PTPRD: variants seen among roughly 807,000 people sequenced by gnomAD.
The protein encoded by PTPRD is protein tyrosine phosphatase receptor type D.
PTPRD carries 34 observed loss-of-function variants against 214.5 expected under a neutral mutation model. That is an observed-to-expected ratio of 0.16 (90% CI 0.12 to 0.21). PTPRD has a LOEUF of 0.21. Ranked by LOEUF, PTPRD falls within the 10% of genes least tolerant of loss-of-function variation. The pLI, the probability that PTPRD is intolerant of heterozygous loss-of-function variation, is 1.00. For synonymous variants in PTPRD, 1,128 were observed against 845.7 expected (o/e 1.33, Z -5.79); for missense variants, 2,545 against 2,398.7 (o/e 1.06, Z -1.27).
intron 10 of PTPRD, among the ~76,000 whole-genome samples, chr9:9,041,494 C>T (rs1486775464): frequency 1.3e-5 from 2 of 152,108 alleles, no homozygotes; most frequent in Admixed American, 6.6e-5. Flanking sequence ...GGTTAGTTTG[C>T]TAAGGATAAT....
At chr9:9,991,371 C>CT (rs1260579367) in intron 4 of PTPRD, among the ~76,000 whole-genome samples, 1 of 143,730 alleles carries the variant, frequency 7.0e-6, no homozygotes, top group East Asian at 2.0e-4. Flanking sequence ...TTTTTTTTTT[C>CT]TTTTTTTGAA....
chr9:8,992,002 T>G (rs1202762726), intron 11 of PTPRD, among the ~76,000 whole-genome samples: 2 of 152,172 alleles, frequency 1.3e-5, no homozygotes, highest in African/African-American at 4.8e-5. Flanking sequence ...AAGAATGTTC[T>G]GGAAAGAGTT....
intron 4 of PTPRD, among the ~76,000 whole-genome samples, chr9:10,029,378 C>T (rs117708985): frequency 0.04 from 6,045 of 152,226 alleles, 169 homozygotes; most frequent in Middle Eastern, 0.13. Context: ...CCACTGACAC[C>T]TTATACTGTG....
At chr9:9,996,669 G>A (rs1444407599) in intron 4 of PTPRD, among the ~76,000 whole-genome samples, 1 of 152,154 alleles carries the variant, frequency 6.6e-6, no homozygotes, top group East Asian at 1.9e-4. Flanking sequence ...AAGGTTGGGA[G>A]ACCTATTAAT....
chr9:8,846,015 C>A (rs890246822), intron 11 of PTPRD, among the ~76,000 whole-genome samples: 1 of 152,098 alleles, frequency 6.6e-6, no homozygotes, highest in African/African-American at 2.4e-5. Context: ...CAATAATGGC[C>A]ATGTGTCAGA....
chr9:9,275,199 TTA>T (rs1188297359), intron 9 of PTPRD, among the ~76,000 whole-genome samples: 1,011 of 10,376 alleles, frequency 0.097, 19 homozygotes, highest in Non-Finnish European at 0.15. Context: ...TATATATATA[TTA>T]TATATATATA....
At chr9:8,331,334 A>G (rs190139970) in intron 44 of PTPRD, among the ~76,000 whole-genome samples, 4 of 152,200 alleles carry the variant, frequency 2.6e-5, no homozygotes. Context: ...AAAATTGGTA[A>G]TTTGGTTTGT....
At chr9:10,449,944 C>T (rs889653223) in intron 2 of PTPRD, among the ~76,000 whole-genome samples, 3 of 151,738 alleles carry the variant, frequency 2.0e-5, no homozygotes, top group African/African-American at 4.9e-5. Flanking sequence ...ACCTTACCCC[C>T]AACCCCGTGC....
chr9:10,047,989 C>T (rs924814798), intron 3 of PTPRD, among the ~76,000 whole-genome samples: 1 of 152,164 alleles, frequency 6.6e-6, no homozygotes, highest in South Asian at 2.1e-4. Context: ...CCCATTATAA[C>T]AGAGTGAACT....
intron 3 of PTPRD, among the ~76,000 whole-genome samples, chr9:10,251,408 T>A (rs915615545): frequency 2.0e-5 from 3 of 152,128 alleles, no homozygotes; most frequent in African/African-American, 7.2e-5. Flanking sequence ...TCTTTTTTTT[T>A]TTTAATTTTT....
chr9:9,244,014 C>G (rs886840261), intron 9 of PTPRD, among the ~76,000 whole-genome samples: 14 of 152,162 alleles, frequency 9.2e-5, no homozygotes, highest in African/African-American at 3.4e-4. Context: ...AGAGCCAAAT[C>G]ATGAGTGAAC....
chr9:10,396,798 A>C (rs1278319882), intron 2 of PTPRD, among the ~76,000 whole-genome samples: 2 of 152,138 alleles, frequency 1.3e-5, no homozygotes, highest in East Asian at 1.9e-4. Context: ...GGACACTGTA[A>C]CTGTTCATTA....
At chr9:9,093,973 G>A (rs2099779927) in intron 10 of PTPRD, among the ~76,000 whole-genome samples, 1 of 151,784 alleles carries the variant, frequency 6.6e-6, no homozygotes, top group Non-Finnish European at 1.5e-5. Flanking sequence ...GAATGAAAAG[G>A]GATATAGGAC....
At chr9:9,667,571 C>A (rs1025605665) in intron 7 of PTPRD, among the ~76,000 whole-genome samples, 1 of 151,932 alleles carries the variant, frequency 6.6e-6, no homozygotes, top group South Asian at 2.1e-4. Context: ...TGGCTCTAAC[C>A]CTAAAAGTGA....
At chr9:10,163,378 C>T (rs1332087828) in intron 3 of PTPRD, among the ~76,000 whole-genome samples, 1 of 151,126 alleles carries the variant, frequency 6.6e-6, no homozygotes, top group South Asian at 2.1e-4. Context: ...AAACAAAAAC[C>T]ATCCTTTAAC....
At chr9:8,894,514 G>A (rs544614650) in intron 11 of PTPRD, among the ~76,000 whole-genome samples, 1 of 152,150 alleles carries the variant, frequency 6.6e-6, no homozygotes, top group South Asian at 2.1e-4. Context: ...TCAGAATGTG[G>A]GGGTTGGGGG....
At chr9:8,975,977 T>C (rs1284527026) in intron 11 of PTPRD, among the ~76,000 whole-genome samples, 4 of 152,084 alleles carry the variant, frequency 2.6e-5, no homozygotes, top group African/African-American at 7.2e-5. Context: ...CTCATAGTTG[T>C]ACATTTAATT....
chr9:9,133,313 G>C (rs78596100), intron 10 of PTPRD, among the ~76,000 whole-genome samples: 2,133 of 152,246 alleles, frequency 0.014, 41 homozygotes, highest in East Asian at 0.066. Context: ...GGCTTGGCAA[G>C]TTTCCTAAAA....
chr9:10,101,262 G>C (rs2098549218), intron 3 of PTPRD, among the ~76,000 whole-genome samples: 1 of 151,622 alleles, frequency 6.6e-6, no homozygotes, highest in African/African-American at 2.4e-5. Context: ...TGAAAGTAAG[G>C]AATGAAGGTG....
Sources: gnomAD v4.1 joint callset for allele counts (sites outside exome capture counted in the v4.1 genomes callset) on GRCh38, gnomAD v4.1.1 for gene constraint, MANE v1.5 for transcripts, NCBI Gene and HGNC (gene_info 2026-07-23, HGNC 2026-07-21) for gene names.